The following DOCK2 variants were observed in gnomAD, a reference collection of about 807,000 sequenced individuals.
The protein encoded by DOCK2 is dedicator of cytokinesis protein 2.
A neutral mutation model predicts 248.9 loss-of-function variants in DOCK2; 87 were observed. The observed-to-expected ratio is 0.35, with a 90% CI of 0.29 to 0.42. The LOEUF (loss-of-function observed/expected upper bound fraction) is 0.42, where lower values mean the gene tolerates loss of function less well. Ranked by LOEUF, DOCK2 falls within the 10% of genes least tolerant of loss-of-function variation. The pLI, the probability that DOCK2 is intolerant of heterozygous loss-of-function variation, is 1.00. For synonymous variants in DOCK2, 805 were observed against 821.6 expected, an observed-to-expected ratio of 0.98 and a Z score of 0.35; for missense variants, 1,747 against 2,300.2, an observed-to-expected ratio of 0.76 and a Z score of 4.92.
intron 27 of DOCK2, among the ~76,000 whole-genome samples, chr5:169,904,398 C>T (rs1774152120): frequency 6.6e-6 from 1 of 152,146 alleles, no homozygotes. Flanking sequence ...AATCACCTAC[C>T]TGTCTATGGA....
chr5:169,964,715 T>C (rs749079711), intron 27 of DOCK2, among the ~76,000 whole-genome samples: 3 of 152,218 alleles, frequency 2.0e-5, no homozygotes, highest in Non-Finnish European at 4.4e-5. Context: ...TCAAATCTTA[T>C]TGGTGCCATG....
intron 27 of DOCK2, among the ~76,000 whole-genome samples, chr5:169,905,497 C>T (rs950406294): frequency 1.2e-4 from 19 of 152,174 alleles, no homozygotes; most frequent in African/African-American, 4.6e-4. Context: ...CTCGAGGCTG[C>T]CAGGCAGAGT....
intron 36 of DOCK2, among the ~76,000 whole-genome samples, chr5:170,038,937 G>T (rs1460846260): frequency 1.3e-5 from 2 of 152,216 alleles, no homozygotes; most frequent in African/African-American, 4.8e-5. Flanking sequence ...AGCCATGTGT[G>T]CACACACAGG....
chr5:170,003,330 TA>T (rs1754908035), intron 30 of DOCK2, among the ~76,000 whole-genome samples: 1 of 152,190 alleles, frequency 6.6e-6, no homozygotes, highest in South Asian at 2.1e-4. Context: ...TAATAAGCAA[TA>T]GAACTGGTTT....
intron 27 of DOCK2, among the ~76,000 whole-genome samples, chr5:169,843,922 G>A (rs767806902): frequency 1.3e-5 from 2 of 152,164 alleles, no homozygotes; most frequent in Non-Finnish European, 2.9e-5. Context: ...TGCATTATAT[G>A]AGCATGCCAA....
intron 27 of DOCK2, among the ~76,000 whole-genome samples, chr5:169,858,363 A>G (rs1474847792): frequency 6.6e-6 from 1 of 152,160 alleles, no homozygotes; most frequent in African/African-American, 2.4e-5. Context: ...CATGGGAGGC[A>G]TGACCTGGGA....
At chr5:169,804,348 G>T (rs935400981) in intron 26 of DOCK2, among the ~76,000 whole-genome samples, 1 of 152,020 alleles carries the variant, frequency 6.6e-6, no homozygotes, top group Admixed American at 6.6e-5. Flanking sequence ...GACATACCCG[G>T]TGTGCGCTAG....
intron 33 of DOCK2, among the ~76,000 whole-genome samples, chr5:170,025,523 G>A (rs1408529980): frequency 2.0e-5 from 3 of 152,148 alleles, no homozygotes; most frequent in African/African-American, 7.2e-5. Context: ...AAGCGGTGAG[G>A]GATTTAAAGC....
intron 26 of DOCK2, among the ~76,000 whole-genome samples, chr5:169,821,494 C>T (rs1381029563): frequency 6.6e-6 from 1 of 152,116 alleles, no homozygotes; most frequent in Non-Finnish European, 1.5e-5. Flanking sequence ...GAATTTTCAA[C>T]CCAGAATTTC....
At position 169,971,297 on chromosome 5, in the gene DOCK2, G is replaced by A. The variant is rs866308415; in HGVS notation, c.2800-11771G>A. Reference sequence around the variant, plus strand: ...CTGCCAGAGAAGGAGCCAGCCTGCCGGGGAGCTGGGGCCTGACAGGAAGCA... The same window carrying A: ...CTGCCAGAGAAGGAGCCAGCCTGCCAGGGAGCTGGGGCCTGACAGGAAGCA... On this transcript the variant is annotated intron_variant, in intron 27 of 51. Coordinates refer to ENST00000520908, the MANE Select transcript of DOCK2 (RefSeq NM_004946.3). Among the ~76,000 whole-genome samples the A allele has an allele frequency of 3.3e-5, 5 of 152,198 alleles. No homozygotes were observed. The South Asian group carries it at 8.3e-4, about 25-fold the overall frequency.
chr5:169,773,553 GT>G (rs1765215494), intron 25 of DOCK2, among the ~76,000 whole-genome samples: 1 of 151,906 alleles, frequency 6.6e-6, no homozygotes, highest in Admixed American at 6.6e-5. Context: ...TTCTTATCTA[GT>G]TTTGGAATGA....
intron 44 of DOCK2, among the ~76,000 whole-genome samples, chr5:170,066,210 G>T (rs12657091): frequency 9.9e-5 from 15 of 151,872 alleles, no homozygotes; most frequent in African/African-American, 3.1e-4. Flanking sequence ...TCGGCCTCCC[G>T]CAAATGAAAA....
chr5:169,674,705 TC>T (rs1759237714), intron 6 of DOCK2, among the ~76,000 whole-genome samples: 1 of 152,136 alleles, frequency 6.6e-6, no homozygotes, highest in African/African-American at 2.4e-5. Flanking sequence ...TTAACCTACT[TC>T]CGATGGACTA....
At chr5:169,641,698 C>G (rs1757163027) in intron 1 of DOCK2, among the ~76,000 whole-genome samples, 1 of 152,168 alleles carries the variant, frequency 6.6e-6, no homozygotes, top group Non-Finnish European at 1.5e-5. Flanking sequence ...CTCAGCTTCT[C>G]TGAGCATGCC....
chr5:169,644,879 G>A (rs1757363425), intron 1 of DOCK2, among the ~76,000 whole-genome samples: 2 of 152,122 alleles, frequency 1.3e-5, no homozygotes, highest in South Asian at 4.1e-4. Context: ...CCACTTATGA[G>A]TGAGAACAGG....
intron 22 of DOCK2, among the ~76,000 whole-genome samples, chr5:169,735,082 G>A (rs377752937): frequency 6.6e-6 from 1 of 152,178 alleles, no homozygotes; most frequent in Admixed American, 6.5e-5. Flanking sequence ...CATACTGTCA[G>A]AAATGGAAGT....
At chr5:169,846,780 T>C (rs1286444185) in intron 27 of DOCK2, among the ~76,000 whole-genome samples, 2 of 152,106 alleles carry the variant, frequency 1.3e-5, no homozygotes, top group Non-Finnish European at 2.9e-5. Context: ...AATTCTGAGA[T>C]TTTAGTGCAC....
intron 27 of DOCK2, among the ~76,000 whole-genome samples, chr5:169,943,267 C>T (rs1776312191): frequency 6.6e-6 from 1 of 152,046 alleles, no homozygotes; most frequent in Non-Finnish European, 1.5e-5. Context: ...TTGAAGAAAA[C>T]CCAGGATTCT....
At chr5:170,078,423 A>G (rs1460483441) in intron 48 of DOCK2, among the ~76,000 whole-genome samples, 3 of 152,176 alleles carry the variant, frequency 2.0e-5, no homozygotes, top group Non-Finnish European at 4.4e-5. Context: ...TCTAGGGGGC[A>G]TCATTCACAA....
Sources: allele counts gnomAD v4.1 joint callset (sites outside exome capture counted in the v4.1 genomes callset), GRCh38; gene constraint gnomAD v4.1.1; transcripts MANE v1.5; gene names NCBI Gene and HGNC (gene_info 2026-07-23, HGNC 2026-07-21).